Variants in SYT13 observed in about 807,000 individuals in gnomAD.
SYT13 encodes the protein synaptotagmin-13.
A neutral mutation model predicts 38.6 loss-of-function variants in SYT13; 21 were observed. That is an observed-to-expected ratio of 0.54 (90% CI 0.39 to 0.78). The LOEUF is 0.78. Ranked by LOEUF, SYT13 falls within the 30% of genes least tolerant of loss-of-function variation. SYT13 has a pLI of 0.00. For synonymous variants in SYT13, 241 were observed against 237.6 expected (o/e 1.01, Z -0.13); for missense variants, 495 against 548.7 (o/e 0.90, Z 0.98).
chr11:45,282,351 A>G (rs1338371105), intron 1 of SYT13, among the ~76,000 whole-genome samples: 1 of 152,200 alleles, frequency 6.6e-6, no homozygotes, highest in African/African-American at 2.4e-5. Context: ...TCCAGAGTGT[A>G]TATTTCAGAA....
At chr11:45,254,617 CA>C in intron 2 of SYT13, 1 of 506,530 alleles carries the variant, frequency 2.0e-6, no homozygotes, top group Non-Finnish European at 3.3e-6. Context: ...TCATCAACCA[CA>C]CAAAACAAAA....
chr11:45,255,747 C>A lies in SYT13; in HGVS notation c.328G>T (p.Ala110Ser), dbSNP rs1854737113. Residue 110 changes from alanine to serine, a missense_variant, in exon 2 of 6, where the codon GCA becomes TCA. Physicochemically the swap from Ala to Ser is moderately conservative, Grantham distance 99 (BLOSUM62 1). Transcript: ENST00000020926. ...YSLRSTEEPT[A>S]PASPQPPNDS... ...TTCGGGGGTTGGGGGCTGGCAGGTG[C>A]AGTGGGCTCCTCCGTAGACCTCAGT... is the stretch of plus-strand genomic sequence containing the variant. 1 of 1,614,152 alleles carries A rather than the reference C, an allele frequency of 6.2e-7. No homozygotes were observed. Among genetic ancestry groups the A allele is most frequent in the Admixed American group, 1.7e-5 (1 of 60,014 alleles).
Position 45,252,614 on chromosome 11 carries a change from T to G in SYT13, c.653A>C (p.His218Pro), listed in dbSNP as rs779635219. 17 of 1,614,130 alleles carry G rather than the reference T, an allele frequency of 1.1e-5. No individual in the cohort carries two copies. The highest frequency in any genetic ancestry group is 1.4e-5 in the Non-Finnish European group (17 of 1,179,992). ...CACCAGGCCCTCCTCCCAGGTGGTG[T>G]GCAGCTGCCGCTTCTTTAGGGCTGT... ...AQTALKKRQL[H>P]TTWEEGLVLP... Residue 218 changes from histidine to proline, a missense_variant, in exon 4 of 6, where the codon CAC becomes CCC. By Grantham distance (77) the His-to-Pro change is moderately conservative. Coordinates refer to ENST00000020926, the MANE Select transcript of SYT13 (RefSeq NM_020826.3). This position sits in a 1 kb window ranked among gnomAD's most constrained non-coding sequence, Gnocchi z 4.3.
intron 5 of SYT13, among the ~76,000 whole-genome samples, 178 bp from the exon 6 acceptor site, chr11:45,244,534 C>T (rs1011025446): frequency 6.6e-6 from 1 of 152,114 alleles, no homozygotes; most frequent in Non-Finnish European, 1.5e-5. Context: ...TTCTGGATAC[C>T]CCAGCACAGG....
chr11:45,282,260 G>A (rs576359449), intron 1 of SYT13, among the ~76,000 whole-genome samples: 3 of 152,286 alleles, frequency 2.0e-5, no homozygotes, highest in South Asian at 2.1e-4. Context: ...AGTGGGCGGC[G>A]TAGTAAAACT....
chr11:45,269,683 C>G (rs976975185), intron 1 of SYT13, among the ~76,000 whole-genome samples: 1 of 152,192 alleles, frequency 6.6e-6, no homozygotes, highest in African/African-American at 2.4e-5. Context: ...TCCAAGCTCA[C>G]ATAGCTAATA....
At chr11:45,262,310 C>T (rs776701335) in intron 1 of SYT13, among the ~76,000 whole-genome samples, 1 of 152,130 alleles carries the variant, frequency 6.6e-6, no homozygotes, top group Non-Finnish European at 1.5e-5. Flanking sequence ...ATGCCAGAGG[C>T]TGGGGCAGGG....
At chr11:45,268,370 G>A (rs111996452) in intron 1 of SYT13, among the ~76,000 whole-genome samples, 32 of 138,024 alleles carry the variant, frequency 2.3e-4, no homozygotes, top group African/African-American at 8.2e-4. Flanking sequence ...GGGACAGATG[G>A]TAATGAGGTC....
intron 1 of SYT13, among the ~76,000 whole-genome samples, chr11:45,268,150 A>G (rs1854907413): frequency 1.3e-5 from 2 of 152,088 alleles, no homozygotes; most frequent in Non-Finnish European, 2.9e-5. Context: ...CCAGGATGAG[A>G]CACAACAGGA....
At chr11:45,280,427 A>T (rs577281744) in intron 1 of SYT13, among the ~76,000 whole-genome samples, 6 of 152,296 alleles carry the variant, frequency 3.9e-5, no homozygotes, top group African/African-American at 1.4e-4. Context: ...TCCTGGCAAT[A>T]AAAAAATACT....
In SYT13 at chr11:45,281,666, C is replaced by CA. The variant is rs747673327; in HGVS notation, c.183+4358dup. On this transcript the variant is annotated intron_variant, in intron 1 of 5. Coordinates refer to ENST00000020926, the MANE Select transcript of SYT13 (RefSeq NM_020826.3). ...TGGGCGACAGAGTGAGACTCTGCCT[C>CA]AAAAAAAAAAAAAAAAAATTGGTGT... 4.8e-3 allele frequency among the ~76,000 whole-genome samples: 536 copies of CA among 112,100 alleles called. 4 individuals carry two copies. Among genetic ancestry groups the CA allele is most frequent in the Middle Eastern group, 0.014 (3 of 216 alleles). The allele number at this position is 112,100 out of a possible 152,430, so 73.5% of individuals were successfully genotyped here. A position where few individuals can be genotyped will look rare whatever the true frequency, so the allele number is the denominator to read the frequency against.
At chr11:45,284,070 T>C (rs1855106473) in intron 1 of SYT13, among the ~76,000 whole-genome samples, 2 of 152,340 alleles carry the variant, frequency 1.3e-5, no homozygotes. Context: ...GAGCCATTTG[T>C]ATGAAAGGCC....
At chr11:45,270,553 G>A (rs969181930) in intron 1 of SYT13, among the ~76,000 whole-genome samples, 25 of 152,132 alleles carry the variant, frequency 1.6e-4, no homozygotes, top group Middle Eastern at 3.2e-3. Context: ...ACAAAAATTT[G>A]AGTTTGTACC....
chr11:45,257,722 G>A (rs113700679), intron 1 of SYT13, among the ~76,000 whole-genome samples: 2,416 of 152,280 alleles, frequency 0.016, 98 homozygotes, highest in Admixed American at 0.1. Context: ...GAAGGAGACC[G>A]GACCTAGGTG....
intron 4 of SYT13, among the ~76,000 whole-genome samples, chr11:45,248,913 A>G (rs1298121908): frequency 6.6e-6 from 1 of 152,244 alleles, no homozygotes; most frequent in Non-Finnish European, 1.5e-5. Flanking sequence ...AAGTACCTGC[A>G]GACTAAAGTA....
At chr11:45,265,614 T>C in intron 1 of SYT13, among the ~76,000 whole-genome samples, 1 of 152,188 alleles carries the variant, frequency 6.6e-6, no homozygotes, top group South Asian at 2.1e-4. Flanking sequence ...TTTTGTTGCA[T>C]CCTCACATGG....
chr11:45,277,829 C>G (rs1202207910), intron 1 of SYT13, among the ~76,000 whole-genome samples: 1 of 152,242 alleles, frequency 6.6e-6, no homozygotes. Flanking sequence ...ACAGAACCTT[C>G]TGTTCAGGTT....
At chr11:45,260,860 A>C (rs1265953838) in intron 1 of SYT13, among the ~76,000 whole-genome samples, 1 of 152,136 alleles carries the variant, frequency 6.6e-6, no homozygotes, top group Admixed American at 6.5e-5. Context: ...CCATGGGCAC[A>C]GCAACACAGG....
At chr11:45,281,779 GA>G (rs1293125293) in intron 1 of SYT13, among the ~76,000 whole-genome samples, 1 of 152,206 alleles carries the variant, frequency 6.6e-6, no homozygotes, top group Non-Finnish European at 1.5e-5. Context: ...TCACCCAGGG[GA>G]CCTCTCTGGC....
Sources: allele counts gnomAD v4.1 joint callset (sites outside exome capture counted in the v4.1 genomes callset), GRCh38; gene constraint gnomAD v4.1.1; non-coding constraint Gnocchi (gnomAD v3.1); transcripts MANE v1.5; gene names NCBI Gene and HGNC (gene_info 2026-07-23, HGNC 2026-07-21).